The following GATB variants were observed in gnomAD, a reference collection of about 807,000 sequenced individuals.
GATB encodes glutamyl-tRNA(Gln) amidotransferase subunit B, mitochondrial.
GATB carries 39 observed loss-of-function variants against 62.3 expected under a neutral mutation model. That is an observed-to-expected ratio of 0.63 (90% CI 0.48 to 0.82). The LOEUF (loss-of-function observed/expected upper bound fraction) is 0.82, where lower values mean the gene tolerates loss of function less well. Among genes scored for constraint, GATB ranks in the 40% least tolerant of loss-of-function variants. GATB has a pLI of 0.00. For missense variants in GATB, 670 were observed against 684.0 expected, an observed-to-expected ratio of 0.98 and a Z score of 0.23; for synonymous variants, 276 against 258.9, an observed-to-expected ratio of 1.07 and a Z score of -0.63.
intron 9 of GATB, among the ~76,000 whole-genome samples, chr4:151,692,485 CAGA>C (rs1274808586): frequency 3.9e-5 from 6 of 152,208 alleles, no homozygotes; most frequent in Non-Finnish European, 8.8e-5. Context: ...ACTTTGAAAT[CAGA>C]AGGAGAAAAT....
At chr4:151,675,026 GAGCC>G (rs1452105617) in intron 11 of GATB, 2 of 152,262 alleles carry the variant, frequency 1.3e-5, no homozygotes, top group East Asian at 3.9e-4. Flanking sequence ...GCTGGCCAGT[GAGCC>G]AGCCTCTTTC....
chr4:151,681,486 G>C (rs1030918166), intron 10 of GATB, among the ~76,000 whole-genome samples: 1 of 152,152 alleles, frequency 6.6e-6, no homozygotes, highest in African/African-American at 2.4e-5. Flanking sequence ...AAGGCAGGCC[G>C]GATTTTTCTA....
chr4:151,698,802 T>C (rs2126967187), intron 9 of GATB, among the ~76,000 whole-genome samples: 1 of 152,114 alleles, frequency 6.6e-6, no homozygotes, highest in South Asian at 2.1e-4. Flanking sequence ...CAATACATTA[T>C]CTGCAAGCCA....
chr4:151,683,571 T>C (rs6823423), intron 10 of GATB, among the ~76,000 whole-genome samples: 90,298 of 151,584 alleles, frequency 0.6, 29,402 homozygotes, highest in African/African-American at 0.88. Context: ...CCCTGGTTGA[T>C]GTCAACCACC....
At chr4:151,711,176 T>A (rs1483680643) in intron 5 of GATB, among the ~76,000 whole-genome samples, 1 of 152,216 alleles carries the variant, frequency 6.6e-6, no homozygotes, top group Non-Finnish European at 1.5e-5. Flanking sequence ...AACAGCATCA[T>A]CTTCCATCTG....
At chr4:151,678,914 A>T (rs1453444727) in intron 11 of GATB, among the ~76,000 whole-genome samples, 13 of 152,048 alleles carry the variant, frequency 8.5e-5, no homozygotes, top group Admixed American at 8.5e-4. Flanking sequence ...GTTTTTTGAG[A>T]CGGAGTCTCG....
Position 151,672,869 on chromosome 4 carries a change from C to T in GATB, c.1438G>A (p.Gly480Ser). 6.2e-7 allele frequency: 1 copy of T among 1,614,220 alleles called. No individual in the cohort carries two copies. The highest frequency in any genetic ancestry group is 8.5e-7 in the Non-Finnish European group (1 of 1,180,028). Residue 480 changes from glycine (G) to serine (S), a missense_variant, in exon 12 of 13, where the codon GGC becomes AGC. Coordinates refer to ENST00000263985, the MANE Select transcript of GATB (RefSeq NM_004564.3). ...GAAACAATCTGCCCTGGAGTCTTGCCTTCCCTCTTCCACAGTTCCTCAAAC... is the reference window on the plus strand; with the variant it reads ...GAAACAATCTGCCCTGGAGTCTTGCTTTCCCTCTTCCACAGTTCCTCAAAC... The part of the protein sequence containing the change: ...QVFEELWKRE[G>S]KTPGQIVSEK...
intron 4 of GATB, 144 bp from the exon 5 acceptor site, chr4:151,716,275 A>AC (rs1738911128): frequency 8.7e-6 from 3 of 344,994 alleles, no homozygotes; most frequent in Non-Finnish European, 8.9e-6. Context: ...CTTCCCTCCC[A>AC]CCTTTTTTTT....
chr4:151,707,784 G>A (rs1738741802), intron 6 of GATB, among the ~76,000 whole-genome samples: 1 of 152,252 alleles, frequency 6.6e-6, no homozygotes, highest in Non-Finnish European at 1.5e-5. Context: ...CCCAAGGTAT[G>A]AGAGCGACTA....
intron 2 of GATB, among the ~76,000 whole-genome samples, chr4:151,749,573 C>T (rs991615139): frequency 1.3e-5 from 2 of 151,868 alleles, no homozygotes; most frequent in African/African-American, 4.8e-5. Context: ...ACCAACATGG[C>T]ACATGTATAC....
At chr4:151,719,642 G>A in intron 2 of GATB, 104 bp from the exon 3 acceptor site, 1 of 684,296 alleles carries the variant, frequency 1.5e-6, no homozygotes, top group South Asian at 2.2e-5. Context: ...CCCTTCAACA[G>A]GCATTATCTC....
chr4:151,677,917 T>C (rs910559877), intron 11 of GATB: 9 of 152,192 alleles, frequency 5.9e-5, no homozygotes, highest in African/African-American at 2.2e-4. Flanking sequence ...AAGTCTTTAT[T>C]GCTATCTTTC....
chr4:151,732,859 A>G (rs1263376373), intron 2 of GATB, among the ~76,000 whole-genome samples: 1 of 151,828 alleles, frequency 6.6e-6, no homozygotes, highest in Admixed American at 6.5e-5. Flanking sequence ...TGTAGAAATA[A>G]AAAGATAAAT....
At chr4:151,736,386 C>A (rs1187549658) in intron 2 of GATB, among the ~76,000 whole-genome samples, 1 of 152,060 alleles carries the variant, frequency 6.6e-6, no homozygotes, top group Non-Finnish European at 1.5e-5. Flanking sequence ...TTTTAGCTTC[C>A]CCCAAAGCTG....
intron 6 of GATB, among the ~76,000 whole-genome samples, 170 bp from the exon 7 acceptor site, chr4:151,705,439 G>A (rs570577771): frequency 3.9e-5 from 6 of 151,954 alleles, no homozygotes; most frequent in South Asian, 4.2e-4. Flanking sequence ...CACTGCCATC[G>A]TAGAATATTG....
chr4:151,719,666 G>T, intron 2 of GATB, 128 bp from the exon 3 acceptor site: 1 of 555,184 alleles, frequency 1.8e-6, no homozygotes, highest in Non-Finnish European at 3.1e-6. Context: ...TTCTCTGGGT[G>T]GGCAGCTCCA....
At chr4:151,681,223 T>G (rs1738131465) in intron 10 of GATB, among the ~76,000 whole-genome samples, 1 of 152,208 alleles carries the variant, frequency 6.6e-6, no homozygotes, top group South Asian at 2.1e-4. Context: ...CTAATTCAAG[T>G]GCAGTGAAAC....
intron 8 of GATB, 41 bp from the exon 9 acceptor site, chr4:151,701,559 T>G: frequency 7.3e-7 from 1 of 1,361,958 alleles, no homozygotes; most frequent in Non-Finnish European, 9.6e-7. Flanking sequence ...CTGGAGTACT[T>G]GGATTAATGA....
At chr4:151,748,455 C>T (rs987646013) in intron 2 of GATB, among the ~76,000 whole-genome samples, 1 of 152,138 alleles carries the variant, frequency 6.6e-6, no homozygotes, top group Non-Finnish European at 1.5e-5. Context: ...AACTGGCTAG[C>T]CATATGTAGA....
Sources: allele counts gnomAD v4.1 joint callset (sites outside exome capture counted in the v4.1 genomes callset), GRCh38; gene constraint gnomAD v4.1.1; transcripts MANE v1.5; gene names NCBI Gene and HGNC (gene_info 2026-07-23, HGNC 2026-07-21).